The following CNTNAP2 variants were observed in gnomAD, a reference collection of about 807,000 sequenced individuals.
CNTNAP2 encodes the protein contactin associated protein 2.
CNTNAP2 carries 98 observed loss-of-function variants against 155.2 expected under a neutral mutation model. The ratio of observed to expected loss-of-function variants is 0.63; its 90% CI spans 0.54 to 0.75. The LOEUF (loss-of-function observed/expected upper bound fraction) is 0.75. Ranked by LOEUF, CNTNAP2 falls within the 30% of genes least tolerant of loss-of-function variation. The pLI is 0.00. For synonymous variants in CNTNAP2, 651 were observed against 631.2 expected (o/e 1.03, Z -0.47); for missense variants, 1,727 against 1,688.1 (o/e 1.02, Z -0.40).
chr7:147,930,607 A>C (rs987578093), intron 14 of CNTNAP2, among the ~76,000 whole-genome samples: 7 of 152,246 alleles, frequency 4.6e-5, no homozygotes, highest in Non-Finnish European at 1.0e-4. Context: ...TGAAGAAAGA[A>C]ATACAATATT....
chr7:146,360,433 CT>C (rs1283687724), intron 1 of CNTNAP2, among the ~76,000 whole-genome samples: 1 of 152,088 alleles, frequency 6.6e-6, no homozygotes, highest in Non-Finnish European at 1.5e-5. Flanking sequence ...GATATAAACC[CT>C]TGTTTAAAAT....
intron 10 of CNTNAP2, among the ~76,000 whole-genome samples, chr7:147,428,785 G>C (rs1173660423): frequency 6.6e-6 from 1 of 152,056 alleles, no homozygotes; most frequent in Non-Finnish European, 1.5e-5. Context: ...TGTTGCTGTT[G>C]TTTTATTTCA....
At chr7:148,296,995 A>C (rs1214291147) in intron 21 of CNTNAP2, among the ~76,000 whole-genome samples, 2 of 152,202 alleles carry the variant, frequency 1.3e-5, no homozygotes, top group Non-Finnish European at 2.9e-5. Context: ...CTTTTGTTTT[A>C]GAGATAAAGA....
At chr7:146,226,981 G>T (rs2116906435) in intron 1 of CNTNAP2, among the ~76,000 whole-genome samples, 1 of 152,172 alleles carries the variant, frequency 6.6e-6, no homozygotes, top group South Asian at 2.1e-4. Flanking sequence ...ATATTCTTAT[G>T]AGTTATTTAT....
chr7:148,300,505 A>G lies in CNTNAP2; in HGVS notation c.3475+33379A>G, dbSNP rs528598099. ...TCTCAATAAGATTAAGGGGCTAGCT[A>G]AGATTATAATCATAACAATTTTTTT... On this transcript the variant is annotated intron_variant, in intron 21 of 23. Coordinates refer to ENST00000361727, the MANE Select transcript of CNTNAP2 (RefSeq NM_014141.6). Among the ~76,000 whole-genome samples, 4 of 151,950 alleles carry G rather than the reference A, an allele frequency of 2.6e-5. No individual in the cohort carries two copies. In the East Asian group the frequency reaches 7.7e-4, roughly 29 times the overall value.
chr7:146,437,974 T>C (rs1239310170), intron 1 of CNTNAP2, among the ~76,000 whole-genome samples: 1 of 151,296 alleles, frequency 6.6e-6, no homozygotes, highest in Non-Finnish European at 1.5e-5. Context: ...TAACAGTACC[T>C]GTATTAGCCA....
At chr7:147,532,028 C>T (rs1237983570) in intron 11 of CNTNAP2, among the ~76,000 whole-genome samples, 3 of 151,964 alleles carry the variant, frequency 2.0e-5, no homozygotes, top group African/African-American at 4.8e-5. Context: ...AGGATGGTCT[C>T]GATCTCCTGA....
In CNTNAP2 at chr7:148,006,656, A is replaced by C. The variant is rs191658227; in HGVS notation, c.2383+28667A>C. ...TTTATATCCCAGACAAAAAAAAAAA[A>C]AAAACTGAGTTAGGCTTACAGACTT... On this transcript the variant is annotated intron_variant, in intron 15 of 23. Coordinates refer to ENST00000361727, the MANE Select transcript of CNTNAP2 (RefSeq NM_014141.6). Among the ~76,000 whole-genome samples, 153 of 152,002 alleles carry C rather than the reference A, an allele frequency of 1.0e-3. 1 individual carries two copies. Among genetic ancestry groups the C allele is most frequent in the Admixed American group, 3.3e-3 (50 of 15,248 alleles).
chr7:147,327,664 T>C (rs1161530443), intron 9 of CNTNAP2, among the ~76,000 whole-genome samples: 12 of 152,194 alleles, frequency 7.9e-5, no homozygotes, highest in Non-Finnish European at 1.8e-4. Context: ...TTTTCTCATG[T>C]TGACTTTCCT....
chr7:147,925,955 A>G (rs1328665403), intron 14 of CNTNAP2, among the ~76,000 whole-genome samples: 1 of 152,242 alleles, frequency 6.6e-6, no homozygotes, highest in African/African-American at 2.4e-5. Context: ...AGTTGAAATC[A>G]TAAAGGATAT....
At chr7:148,072,954 C>T (rs1469135217) in intron 15 of CNTNAP2, among the ~76,000 whole-genome samples, 4 of 152,090 alleles carry the variant, frequency 2.6e-5, no homozygotes, top group South Asian at 4.2e-4. Flanking sequence ...GTGATCTGCC[C>T]GCCTCGGCCC....
In CNTNAP2 at chr7:148,283,238, TC is replaced by T. The variant is rs1197758514; in HGVS notation, c.3475+16113del. Among the ~76,000 whole-genome samples the T allele has an allele frequency of 6.3e-3, 64 of 10,160 alleles. 1 individual carries two copies. Among genetic ancestry groups the T allele is most frequent in the African/African-American group, 0.017 (58 of 3,456 alleles). The allele number at this position is 10,160 out of a possible 152,430, so 6.7% of individuals were successfully genotyped here. ...CCTGGGCAACAAAAGCAACTCTGTC[TC>T]AAAAAAAAAAAAAAAAAAAGAAAGA... On this transcript the variant is annotated intron_variant, in intron 21 of 23. Coordinates refer to ENST00000361727, the MANE Select transcript of CNTNAP2 (RefSeq NM_014141.6).
intron 8 of CNTNAP2, among the ~76,000 whole-genome samples, chr7:147,295,214 G>T (rs905187323): frequency 6.6e-6 from 1 of 151,940 alleles, no homozygotes; most frequent in African/African-American, 2.4e-5. Flanking sequence ...TCCAGATGTG[G>T]TAGCAAATGG....
intron 9 of CNTNAP2, among the ~76,000 whole-genome samples, chr7:147,380,572 C>CA (rs1009283397): frequency 2.0e-5 from 3 of 151,174 alleles, no homozygotes; most frequent in South Asian, 4.2e-4. Flanking sequence ...GCATCAAAGC[C>CA]AAAAAAAAGG....
chr7:148,061,646 C>T lies in CNTNAP2; in HGVS notation c.2384-56472C>T, dbSNP rs191620702. On this transcript the variant is annotated intron_variant, in intron 15 of 23. Transcript: ENST00000361727. ...CTGTGATTACAGGTGTGAGCCACCACACCCAGCCTTCAAAGTGCCCACTTA... is the reference window on the plus strand; with the variant it reads ...CTGTGATTACAGGTGTGAGCCACCATACCCAGCCTTCAAAGTGCCCACTTA... 2.0e-3 allele frequency among the ~76,000 whole-genome samples: 296 copies of T among 151,622 alleles called. 2 individuals are homozygous for T. Among genetic ancestry groups the T allele is most frequent in the Middle Eastern group, 6.9e-3 (2 of 288 alleles).
At chr7:148,159,782 CA>C (rs1276129460) in intron 17 of CNTNAP2, among the ~76,000 whole-genome samples, 35 of 152,266 alleles carry the variant, frequency 2.3e-4, no homozygotes, top group South Asian at 1.0e-3. Flanking sequence ...GAATTTCTAT[CA>C]ATAGTTCTAT....
chr7:146,220,418 G>A, intron 1 of CNTNAP2, among the ~76,000 whole-genome samples: 1 of 152,136 alleles, frequency 6.6e-6, no homozygotes, highest in East Asian at 1.9e-4. Flanking sequence ...TTGCAGGAAG[G>A]ACACAAGCTC....
intron 20 of CNTNAP2, among the ~76,000 whole-genome samples, chr7:148,236,219 C>A (rs781092241): frequency 6.6e-5 from 10 of 152,144 alleles, no homozygotes; most frequent in Admixed American, 1.3e-4. Context: ...TGCCTCCAGG[C>A]GCCCATGCCT....
chr7:148,088,279 C>A (rs747438695), intron 15 of CNTNAP2, among the ~76,000 whole-genome samples: 9 of 151,810 alleles, frequency 5.9e-5, no homozygotes, highest in Admixed American at 1.3e-4. Context: ...AATCTACAAC[C>A]TCTCCAATAA....
Sources: gnomAD v4.1 joint callset for allele counts (sites outside exome capture counted in the v4.1 genomes callset) on GRCh38, gnomAD v4.1.1 for gene constraint, MANE v1.5 for transcripts, NCBI Gene and HGNC (gene_info 2026-07-23, HGNC 2026-07-21) for gene names.